LRTM1: variants seen among roughly 807,000 people sequenced by gnomAD.
LRTM1 encodes leucine rich repeat transmembrane protein 1.
In LRTM1, 38 loss-of-function variants were observed where a neutral mutation model predicts 32.4. That is an observed-to-expected ratio of 1.17 (90% CI 0.91 to 1.54). The LOEUF (loss-of-function observed/expected upper bound fraction) is 1.54, where lower values mean the gene tolerates loss of function less well. LRTM1 is among the 40% of genes most tolerant of loss of function. LRTM1 has a pLI of 0.00. For missense variants in LRTM1, 466 were observed against 415.4 expected (o/e 1.12, Z -1.06); for synonymous variants, 186 against 169.9 (o/e 1.09, Z -0.74).
intron 1 of LRTM1, among the ~76,000 whole-genome samples, chr3:54,946,220 C>T (rs532593650): frequency 5.3e-5 from 8 of 152,196 alleles, no homozygotes; most frequent in Non-Finnish European, 1.2e-4. Context: ...TACCTCCACC[C>T]CTAGCTTCAG....
chr3:54,928,196 C>T (rs991876567), upstream of LRTM1: 1 of 453,930 alleles, frequency 2.2e-6, no homozygotes, highest in African/African-American at 2.0e-5. Flanking sequence ...CAGGATCATC[C>T]CTGCCTTTCC....
At position 54,963,551 on chromosome 3, in the gene LRTM1, T is replaced by G. The variant is rs543453754; in HGVS notation, c.-222+3377A>C. 2.0e-5 allele frequency among the ~76,000 whole-genome samples: 3 copies of G among 152,350 alleles called. No homozygotes were observed. The East Asian group carries it at 5.8e-4, about 29-fold the overall frequency. On this transcript the variant is annotated intron_variant, in intron 1 of 2. Transcript: ENST00000493075. The stretch of plus-strand genomic sequence containing the variant: ...TTTTATTTAAATAGCCACATGTAAC[T>G]AATGGCCACTAATTTGGACAGCACA...
At chr3:54,923,228 G>A (rs942848891) in intron 2 of LRTM1, among the ~76,000 whole-genome samples, 1 of 152,138 alleles carries the variant, frequency 6.6e-6, no homozygotes, top group Non-Finnish European at 1.5e-5. Context: ...GCACACTTCT[G>A]CATGATCTGA....
In LRTM1 at chr3:54,924,626, G is replaced by A; in HGVS notation, c.597C>T (p.Val199=). The A allele has an allele frequency of 6.2e-7, 1 of 1,613,160 alleles. No individual in the cohort carries two copies. Among genetic ancestry groups the A allele is most frequent in the East Asian group, 2.2e-5 (1 of 44,862 alleles). The change falls in exon 2 of 3, where the codon GTC becomes GTT. Residue 199 remains valine (V), a synonymous_variant. Transcript: ENST00000273286. ...LGLKLWLEKF[V]YKGGLTDGII... ...CAAATAGACATGACTGACCTTTATA[G>A]ACAAATTTCTCCAGCCAGAGTTTAA...
At chr3:54,945,603 A>G (rs892960300) in intron 1 of LRTM1, among the ~76,000 whole-genome samples, 6 of 152,140 alleles carry the variant, frequency 3.9e-5, no homozygotes, top group African/African-American at 1.4e-4. Flanking sequence ...TAAGTTCTTC[A>G]AACTTTAGTG....
chr3:54,957,019 T>C (rs1701914696), intron 1 of LRTM1, among the ~76,000 whole-genome samples: 1 of 152,204 alleles, frequency 6.6e-6, no homozygotes, highest in Non-Finnish European at 1.5e-5. Flanking sequence ...CAGGATGTTA[T>C]TAGGATTAGC....
At chr3:54,948,349 T>A (rs1321318633) in intron 1 of LRTM1, among the ~76,000 whole-genome samples, 1 of 152,218 alleles carries the variant, frequency 6.6e-6, no homozygotes, top group Non-Finnish European at 1.5e-5. Context: ...AGATTCTTGA[T>A]AATTGTCATT....
intron 1 of LRTM1, among the ~76,000 whole-genome samples, chr3:54,944,596 T>C (rs936168830): frequency 1.1e-4 from 17 of 152,002 alleles, no homozygotes; most frequent in African/African-American, 3.6e-4. Context: ...AATTTTTTTG[T>C]ATTTTTAGTA....
At chr3:54,922,448 A>G (rs1371665213) in intron 2 of LRTM1, among the ~76,000 whole-genome samples, 2 of 152,154 alleles carry the variant, frequency 1.3e-5, no homozygotes, top group East Asian at 3.9e-4. Context: ...GACGTAAACA[A>G]TTTTATTTGT....
intron 1 of LRTM1, among the ~76,000 whole-genome samples, chr3:54,927,357 C>A (rs1403096713): frequency 1.3e-5 from 2 of 152,166 alleles, no homozygotes; most frequent in African/African-American, 4.8e-5. Flanking sequence ...TATCAAAGAG[C>A]AAAACCACTG....
At chr3:54,956,046 C>T (rs115001307) in intron 1 of LRTM1, among the ~76,000 whole-genome samples, 3,288 of 152,300 alleles carry the variant, frequency 0.022, 128 homozygotes, top group African/African-American at 0.074. Context: ...GCCGTCCGCC[C>T]CTCCTTAATG....
chr3:54,927,277 AAG>A lies in LRTM1; in HGVS notation c.7+626_7+627del, dbSNP rs143406262. Among the ~76,000 whole-genome samples the A allele has an allele frequency of 1.1e-3, 165 of 152,246 alleles. 1 individual carries two copies. Among genetic ancestry groups the A allele is most frequent in the Admixed American group, 1.8e-3 (28 of 15,304 alleles). On this transcript the variant is annotated intron_variant, in intron 1 of 2. Coordinates refer to ENST00000273286, the MANE Select transcript of LRTM1 (RefSeq NM_020678.4). ...GGAAGATGTTTAGAGAGCCTTCTGAAAGAGAGTCTTCTCAGTTTAATTTAGTT... is the reference window on the plus strand; with the variant it reads ...GGAAGATGTTTAGAGAGCCTTCTGAAAGAGTCTTCTCAGTTTAATTTAGTT...
chr3:54,939,039 T>C (rs1458559306), intron 1 of LRTM1, among the ~76,000 whole-genome samples: 1 of 152,192 alleles, frequency 6.6e-6, no homozygotes, highest in Non-Finnish European at 1.5e-5. Context: ...ATGCTACCTC[T>C]CCATTTGGGA....
chr3:54,949,756 G>T (rs972504523), intron 1 of LRTM1, among the ~76,000 whole-genome samples: 4 of 152,140 alleles, frequency 2.6e-5, no homozygotes, highest in African/African-American at 9.7e-5. Flanking sequence ...AGTGACTGTG[G>T]TCTCTGCCAC....
At position 54,960,123 on chromosome 3, in the gene LRTM1, A is replaced by G. The variant is rs537481384; in HGVS notation, c.-222+6805T>C. Among the ~76,000 whole-genome samples the G allele has an allele frequency of 2.0e-5, 3 of 151,942 alleles. No individual in the cohort carries two copies. The East Asian group carries it at 5.8e-4, about 29-fold the overall frequency. On this transcript the variant is annotated intron_variant, in intron 1 of 2. Transcript: ENST00000493075. ...GTGATTATGAAAGAAATGTGTGGCC[A>G]AATGGATCAGGCCTTCCTACACTGG...
intron 1 of LRTM1, among the ~76,000 whole-genome samples, chr3:54,939,742 G>A (rs1701416861): frequency 6.6e-6 from 1 of 152,254 alleles, no homozygotes; most frequent in African/African-American, 2.4e-5. Context: ...TTGCTGGGCA[G>A]GAAGGAGGGA....
chr3:54,926,505 TACACACACACACACAC>T (rs36205023), intron 1 of LRTM1, among the ~76,000 whole-genome samples: 105 of 143,402 alleles, frequency 7.3e-4, no homozygotes, highest in African/African-American at 1.9e-3. Context: ...GCCTGTCAAA[TACACACACACACACAC>T]ACACACACAC....
intron 1 of LRTM1, among the ~76,000 whole-genome samples, chr3:54,954,982 C>T (rs923945523): frequency 5.5e-4 from 84 of 152,324 alleles, no homozygotes; most frequent in African/African-American, 2.0e-3. Flanking sequence ...TGGGCACCAG[C>T]TATGCTTAGG....
At chr3:54,959,379 A>G (rs1281289398) in intron 1 of LRTM1, among the ~76,000 whole-genome samples, 1 of 152,220 alleles carries the variant, frequency 6.6e-6, no homozygotes, top group East Asian at 1.9e-4. Context: ...GCCCTGTAAC[A>G]TGAACCTGAC....
Sources: allele counts gnomAD v4.1 joint callset (sites outside exome capture counted in the v4.1 genomes callset), GRCh38; gene constraint gnomAD v4.1.1; transcripts MANE v1.5; gene names NCBI Gene and HGNC (gene_info 2026-07-23, HGNC 2026-07-21).